Variants in TMED3 observed in about 807,000 individuals in gnomAD.
TMED3 encodes the protein transmembrane p24 trafficking protein 3.
In TMED3, 9 loss-of-function variants were observed where a neutral mutation model predicts 15.0. That is an observed-to-expected ratio of 0.60 (90% confidence interval 0.36 to 1.04). TMED3 has a LOEUF of 1.04. Ranked by LOEUF, TMED3 falls within the 50% of genes least tolerant of loss-of-function variation. The pLI is 0.01. For synonymous variants in TMED3, 117 were observed against 121.4 expected, an observed-to-expected ratio of 0.96 and a Z score of 0.24; for missense variants, 267 against 278.9, an observed-to-expected ratio of 0.96 and a Z score of 0.30.
intron 2 of TMED3, among the ~76,000 whole-genome samples, chr15:79,403,117 G>T (rs1473879182): frequency 6.8e-6 from 1 of 146,542 alleles, no homozygotes; most frequent in African/African-American, 2.5e-5. Flanking sequence ...AGCTACTTGG[G>T]AAGGCTGAGG....
chr15:79,367,738 A>G (rs1893263437), intron 2 of TMED3, among the ~76,000 whole-genome samples: 1 of 152,220 alleles, frequency 6.6e-6, no homozygotes, highest in Non-Finnish European at 1.5e-5. Context: ...ATTTCAGAAA[A>G]GTAGAAGTTA....
chr15:79,360,988 A>G (rs1485567400), intron 2 of TMED3, among the ~76,000 whole-genome samples: 1 of 149,280 alleles, frequency 6.7e-6, no homozygotes, highest in Non-Finnish European at 1.5e-5. Context: ...AGTTACAACT[A>G]CAAGTGCACA....
chr15:79,357,504 T>C (rs989814114), intron 2 of TMED3, among the ~76,000 whole-genome samples: 3 of 150,448 alleles, frequency 2.0e-5, no homozygotes, highest in Admixed American at 6.7e-5. Flanking sequence ...ATTATTACAT[T>C]ATTAATTTTA....
intron 2 of TMED3, among the ~76,000 whole-genome samples, chr15:79,356,967 G>A (rs899129250): frequency 6.6e-6 from 1 of 152,070 alleles, no homozygotes; most frequent in African/African-American, 2.4e-5. Context: ...GATCTATTCC[G>A]GGAAACAAGG....
chr15:79,345,996 T>A (rs2058869952), intron 2 of TMED3, among the ~76,000 whole-genome samples: 2 of 152,204 alleles, frequency 1.3e-5, no homozygotes, highest in South Asian at 4.1e-4. Context: ...CTTAATGGAG[T>A]TGTTTGTATT....
intron 2 of TMED3, among the ~76,000 whole-genome samples, chr15:79,321,043 C>G (rs2058764260): frequency 6.6e-6 from 1 of 152,214 alleles, no homozygotes; most frequent in African/African-American, 2.4e-5. Context: ...TGGTCACCTC[C>G]ACCTTCAAAG....
At chr15:79,319,901 AG>A (rs2058757720) in intron 2 of TMED3, among the ~76,000 whole-genome samples, 1 of 152,236 alleles carries the variant, frequency 6.6e-6, no homozygotes, top group South Asian at 2.1e-4. Context: ...CCAGGTACAC[AG>A]GATGGAACAT....
exon 3 of TMED3, chr15:79,413,360 A>G (rs1045908350): frequency 6.6e-6 from 1 of 152,238 alleles, no homozygotes; most frequent in African/African-American, 2.4e-5. Flanking sequence ...GATCCACCCA[A>G]TTATTGGCTC....
chr15:79,361,272 G>A (rs1025846176), intron 2 of TMED3, among the ~76,000 whole-genome samples: 3 of 152,166 alleles, frequency 2.0e-5, no homozygotes, highest in Non-Finnish European at 2.9e-5. Flanking sequence ...AAGTTTCTTC[G>A]TTTGTAAAAT....
At chr15:79,380,581 TTATATA>T (rs375808118) in intron 2 of TMED3, among the ~76,000 whole-genome samples, 4 of 102,908 alleles carry the variant, frequency 3.9e-5, no homozygotes, top group Non-Finnish European at 4.0e-5. Context: ...ATATATAGTT[TTATATA>T]TATATATATA....
At chr15:79,399,815 G>T (rs1893810631) in intron 2 of TMED3, among the ~76,000 whole-genome samples, 2 of 152,168 alleles carry the variant, frequency 1.3e-5, no homozygotes, top group African/African-American at 4.8e-5. Context: ...GCTCTTATCT[G>T]CAGTGACAGC....
chr15:79,321,474 A>G (rs1418132787), intron 2 of TMED3, among the ~76,000 whole-genome samples: 3 of 152,242 alleles, frequency 2.0e-5, no homozygotes, highest in Admixed American at 6.5e-5. Flanking sequence ...GTTTATACAT[A>G]AAACTATAGG....
chr15:79,350,328 A>G (rs937742274), intron 2 of TMED3, among the ~76,000 whole-genome samples: 1 of 152,154 alleles, frequency 6.6e-6, no homozygotes, highest in Non-Finnish European at 1.5e-5. Flanking sequence ...GTGAAGTCTC[A>G]TGATAAGCCG....
chr15:79,319,673 G>A (rs1295331951), intron 2 of TMED3, among the ~76,000 whole-genome samples: 3 of 152,190 alleles, frequency 2.0e-5, no homozygotes, highest in South Asian at 4.2e-4. Flanking sequence ...GCCAGGCTGC[G>A]CTGATACTTA....
chr15:79,312,455 A>G (rs1047838585), intron 1 of TMED3, among the ~76,000 whole-genome samples: 1 of 152,188 alleles, frequency 6.6e-6, no homozygotes, highest in African/African-American at 2.4e-5. Context: ...CAGGGCGGAA[A>G]TCCCTTGTCA....
At chr15:79,390,085 T>C (rs2141253283) in intron 2 of TMED3, among the ~76,000 whole-genome samples, 1 of 152,288 alleles carries the variant, frequency 6.6e-6, no homozygotes, top group East Asian at 1.9e-4. Context: ...TTTATTTCTT[T>C]CTCTTGTCTG....
rs1277103884 is a variant in TMED3 at position 79,358,549 on chromosome 15, A to T, written c.417+44544A>T. ...GTGGAGTCTGTCTCTTGTGACAGCC[A>T]TCTGTAGGATCCAACTTCAAGATTA... On this transcript the variant is annotated intron_variant, in intron 2 of 2. Coordinates refer to the TMED3 transcript ENST00000424155. 2.0e-5 allele frequency among the ~76,000 whole-genome samples: 3 copies of T among 152,264 alleles called. No individual in the cohort carries two copies. The East Asian group carries it at 5.8e-4, about 29-fold the overall frequency.
chr15:79,413,770 G>A (rs963542730), exon 3 of TMED3: 26 of 152,200 alleles, frequency 1.7e-4, no homozygotes, highest in Admixed American at 5.9e-4. Flanking sequence ...CTATCTAGGG[G>A]TAAGGATGCC....
intron 2 of TMED3, among the ~76,000 whole-genome samples, chr15:79,361,300 T>C (rs955783702): frequency 2.6e-5 from 4 of 152,264 alleles, no homozygotes; most frequent in African/African-American, 4.8e-5. Context: ...ATAAAACTTA[T>C]CTCATATGAT....
Sources: gnomAD v4.1 joint callset for allele counts (sites outside exome capture counted in the v4.1 genomes callset) on GRCh38, gnomAD v4.1.1 for gene constraint, MANE v1.5 for transcripts, NCBI Gene and HGNC (gene_info 2026-07-23, HGNC 2026-07-21) for gene names.